Variants in IQCB1 observed in about 807,000 individuals in gnomAD.
The protein encoded by IQCB1 is IQ motif containing B1.
IQCB1 carries 56 observed loss-of-function variants against 84.4 expected under a neutral mutation model. That is an observed-to-expected ratio of 0.66 (90% CI 0.54 to 0.83). The LOEUF (loss-of-function observed/expected upper bound fraction) is 0.83, where lower values mean the gene tolerates loss of function less well. Among genes scored for constraint, IQCB1 ranks in the 40% least tolerant of loss-of-function variants. IQCB1 has a pLI of 0.00. For synonymous variants in IQCB1, 210 were observed against 234.8 expected, an observed-to-expected ratio of 0.89 and a Z score of 0.96; for missense variants, 629 against 682.1, an observed-to-expected ratio of 0.92 and a Z score of 0.87.
chr3:121,780,608 C>A lies in IQCB1; in HGVS notation c.1410+1135G>T, dbSNP rs117596822. Among the ~76,000 whole-genome samples the A allele has an allele frequency of 1.2e-4, 19 of 152,338 alleles. 1 individual carries two copies. In the East Asian group the frequency reaches 3.7e-3, roughly 29 times the overall value. On this transcript the variant is annotated intron_variant, in intron 13 of 14. Coordinates refer to ENST00000310864, the MANE Select transcript of IQCB1 (RefSeq NM_001023570.4). ...TTTACACTTCCTAGACTAAGCTTTG[C>A]TATCCAATTCAGGTTTTACCATTGC... is the stretch of plus-strand genomic sequence containing the variant.
chr3:121,789,143 C>T (rs1319403606), intron 11 of IQCB1, among the ~76,000 whole-genome samples: 1 of 152,028 alleles, frequency 6.6e-6, no homozygotes, highest in Non-Finnish European at 1.5e-5. Context: ...CTGTGGATAT[C>T]CAGGTAAAGC....
intron 7 of IQCB1, among the ~76,000 whole-genome samples, chr3:121,803,384 C>T (rs562987098): frequency 7.2e-5 from 11 of 152,146 alleles, no homozygotes; most frequent in Admixed American, 2.6e-4. Flanking sequence ...ATTTATGGCT[C>T]GGAATATGCA....
At chr3:121,778,544 TA>T (rs2108518110) in intron 13 of IQCB1, among the ~76,000 whole-genome samples, 2 of 151,708 alleles carry the variant, frequency 1.3e-5, no homozygotes, top group South Asian at 4.2e-4. Context: ...TTTTTTTTTT[TA>T]ACAATATTTT....
Position 121,775,472 on chromosome 3 carries a change from C to T in IQCB1, c.1411-2759G>A, listed in dbSNP as rs1009392120. ...GGGAACATCACACACTGGGGCCTATCGTGGGGTAGGGAACTAAGGGAGGGA... is the reference window on the plus strand; with the variant it reads ...GGGAACATCACACACTGGGGCCTATTGTGGGGTAGGGAACTAAGGGAGGGA... On this transcript the variant is annotated intron_variant, in intron 13 of 14. Transcript: ENST00000310864. Among the ~76,000 whole-genome samples, 9 of 152,104 alleles carry T rather than the reference C, an allele frequency of 5.9e-5. 1 individual carries two copies. Among genetic ancestry groups the T allele is most frequent in the Non-Finnish European group, 1.0e-4 (7 of 67,982 alleles).
At chr3:121,810,930 T>C (rs1005935884) in intron 5 of IQCB1, among the ~76,000 whole-genome samples, 2 of 152,206 alleles carry the variant, frequency 1.3e-5, no homozygotes, top group African/African-American at 4.8e-5. Context: ...AAATGGAATT[T>C]GTAACCTGTT....
rs377524012 is a variant in IQCB1, at chr3:121,795,559, T to C, written c.884A>G (p.His295Arg). 7 of 1,590,938 alleles carry C rather than the reference T, an allele frequency of 4.4e-6. No homozygotes were observed. In the African/African-American group the frequency reaches 5.4e-5, roughly 12 times the overall value. ...VYQEVEEQKL[H>R]QAACLIQAYW... is the part of the protein sequence containing the mutation. ...GGCTTGAATCAAGCATGCTGCTTGA[T>C]GTAGTTTCTGAAATGCCGAAAATAA... is the stretch of plus-strand genomic sequence containing the variant. The change falls in exon 10 of 15, where the codon CAT becomes CGT. Residue 295 changes from histidine (H) to arginine (R), a missense_variant. His to Arg is a conservative substitution (Grantham distance 29, BLOSUM62 0). Transcript: ENST00000310864.
chr3:121,820,850 T>C (rs1334342187), intron 5 of IQCB1, among the ~76,000 whole-genome samples: 3 of 152,060 alleles, frequency 2.0e-5, no homozygotes, highest in Admixed American at 2.0e-4. Context: ...TTACCTTAGT[T>C]CTTCTAGCTT....
At chr3:121,816,053 T>C (rs1950042396) in intron 5 of IQCB1, among the ~76,000 whole-genome samples, 1 of 151,930 alleles carries the variant, frequency 6.6e-6, no homozygotes, top group Non-Finnish European at 1.5e-5. Flanking sequence ...AACAGCATGG[T>C]ACTGGTATCA....
In IQCB1 at chr3:121,826,040, TAAAC is replaced by T. The variant is rs764584640; in HGVS notation, c.393+7_393+10del. The T allele has an allele frequency of 6.2e-7, 1 of 1,610,504 alleles. No individual in the cohort carries two copies. Among genetic ancestry groups the T allele is most frequent in the South Asian group, 1.1e-5 (1 of 90,942 alleles). ...ACTGATTTAGCTACAAAAGACTAAATAAACACATACCTTAGCTGCATTGATAAAA... is the reference window on the plus strand; with the variant it reads ...ACTGATTTAGCTACAAAAGACTAAATACATACCTTAGCTGCATTGATAAAA... On this transcript the variant is annotated splice_region_variant and intron_variant, in intron 5 of 14. Transcript: ENST00000310864.
Position 121,772,664 on chromosome 3 carries a change from TGAGCTTGGGCATG to T in IQCB1, c.1447_1459del (p.His483LysfsTer13), listed in dbSNP as rs1434656118. ...CATAAAGTAGTGTTGCAGTCGTTCT[TGAGCTTGGGCATG>T]GAGCTCCCTACTGACCACATCTGAC... On this transcript the variant is annotated frameshift_variant, in exon 14 of 15. Transcript: ENST00000310864. LOFTEE classifies it high-confidence loss of function. 6.2e-7 allele frequency: 1 copy of T among 1,614,214 alleles called. No individual in the cohort carries two copies. Among genetic ancestry groups the T allele is most frequent in the Admixed American group, 1.7e-5 (1 of 60,026 alleles).
At chr3:121,815,444 A>T (rs1007066644) in intron 5 of IQCB1, among the ~76,000 whole-genome samples, 27 of 151,942 alleles carry the variant, frequency 1.8e-4, no homozygotes, top group Admixed American at 1.3e-3. Flanking sequence ...GTGTATTCGA[A>T]TAGGAAGAGA....
chr3:121,781,983 A>T, intron 12 of IQCB1, 109 bp from the exon 13 acceptor site: 1 of 1,097,552 alleles, frequency 9.1e-7, no homozygotes, highest in Non-Finnish European at 1.4e-6. Context: ...ATTAACTCTG[A>T]GTGTGTATAA....
chr3:121,815,506 C>T (rs1010460954), intron 5 of IQCB1, among the ~76,000 whole-genome samples: 2 of 152,112 alleles, frequency 1.3e-5, no homozygotes, highest in East Asian at 1.9e-4. Context: ...ATTTAGAAAA[C>T]CCCATCGTCT....
chr3:121,825,954 T>G (rs1288432245), intron 5 of IQCB1, 97 bp downstream of exon 5: 25 of 1,155,306 alleles, frequency 2.2e-5, no homozygotes, highest in Non-Finnish European at 3.0e-5. Flanking sequence ...ACTACTTTAA[T>G]TGTACTTTCA....
At chr3:121,773,725 C>G (rs1476508061) in intron 13 of IQCB1, among the ~76,000 whole-genome samples, 1 of 151,980 alleles carries the variant, frequency 6.6e-6, no homozygotes, top group Non-Finnish European at 1.5e-5. Flanking sequence ...AAAACAGGAG[C>G]ATGCATCAGA....
Position 121,770,401 on chromosome 3 carries a change from C to G in IQCB1, c.1741G>C (p.Asp581His), listed in dbSNP as rs1283756243. 4.3e-6 allele frequency: 7 copies of G among 1,614,186 alleles called. No homozygotes were observed. In the Admixed American group the frequency reaches 1.2e-4, roughly 27 times the overall value. The stretch of plus-strand genomic sequence containing the variant: ...TTTTCTAATTCTATACTAAGCTCAT[C>G]CTTTGGAACATCAATCTCATCTCCA... ...ESGDEIDVPK[D>H]ELSIELENLF... The change falls in exon 15 of 15, where the codon GAT becomes CAT. Residue 581 changes from aspartate to histidine, a missense_variant. Transcript: ENST00000310864.
chr3:121,809,222 GATAAA>G (rs1949729233), intron 5 of IQCB1, among the ~76,000 whole-genome samples: 1 of 151,774 alleles, frequency 6.6e-6, no homozygotes, highest in Non-Finnish European at 1.5e-5. Context: ...TTGTTATCCA[GATAAA>G]ATAAAACAAC....
At chr3:121,786,173 A>AAAAAGAAAAGAAAAGAAAAGAAT (rs1364025667) in intron 12 of IQCB1, among the ~76,000 whole-genome samples, 1 of 91,114 alleles carries the variant, frequency 1.1e-5, no homozygotes, top group Admixed American at 1.5e-4. Flanking sequence ...TCTGTCTCAA[A>AAAAAGAAAAGAAAAGAAAAGAAT]AGAAAAGAAA....
At position 121,824,656 on chromosome 3, in the gene IQCB1, A is replaced by T. The variant is rs1950397922; in HGVS notation, c.393+1395T>A. On this transcript the variant is annotated intron_variant, in intron 5 of 14. Transcript: ENST00000310864. ...CCAGTTCATAATGATAATAGCTTTCATTCATCCAGAAGATATAATATTCCT... is the reference window on the plus strand; with the variant it reads ...CCAGTTCATAATGATAATAGCTTTCTTTCATCCAGAAGATATAATATTCCT... 2.0e-5 allele frequency among the ~76,000 whole-genome samples: 3 copies of T among 152,086 alleles called. No homozygotes were observed. In the South Asian group the frequency reaches 6.2e-4, roughly 32 times the overall value.
Sources: allele counts gnomAD v4.1 joint callset (sites outside exome capture counted in the v4.1 genomes callset), GRCh38; gene constraint gnomAD v4.1.1; transcripts MANE v1.5; gene names NCBI Gene and HGNC (gene_info 2026-07-23, HGNC 2026-07-21).